Variants in ADAM22 observed in about 807,000 individuals in gnomAD.
ADAM22 encodes ADAM metallopeptidase domain 22, also known as disintegrin and metalloproteinase domain-containing protein 22.
ADAM22 carries 65 observed loss-of-function variants against 144.6 expected under a neutral mutation model. The observed-to-expected ratio is 0.45, with a 90% CI of 0.37 to 0.55. The LOEUF is 0.55. Among genes scored for constraint, ADAM22 ranks in the 20% least tolerant of loss-of-function variants. The probability of loss-of-function intolerance (pLI) is 0.00; values close to 1 mark genes in which losing one functional copy is unlikely to be tolerated. For synonymous variants in ADAM22, 391 were observed against 412.6 expected (o/e 0.95, Z 0.63); for missense variants, 974 against 1,184.9 (o/e 0.82, Z 2.61).
intron 5 of ADAM22, among the ~76,000 whole-genome samples, chr7:88,113,703 A>AATAAATAAATATATATATGT (rs1554478726): frequency 4.2e-5 from 2 of 48,106 alleles, no homozygotes; most frequent in African/African-American, 1.6e-4. Context: ...TAAATAAATA[A>AATAAATAAATATATATATGT]ATATATATAT....
chr7:88,107,759 T>C (rs1282221681), intron 4 of ADAM22, among the ~76,000 whole-genome samples: 1 of 135,272 alleles, frequency 7.4e-6, no homozygotes, highest in Non-Finnish European at 1.5e-5. Context: ...CTAATTTCAA[T>C]TTTTTTTTTT....
intron 3 of ADAM22, among the ~76,000 whole-genome samples, chr7:88,054,009 G>T (rs1012047373): frequency 1.3e-5 from 2 of 152,168 alleles, no homozygotes; most frequent in African/African-American, 4.8e-5. Flanking sequence ...GCATGCGCCT[G>T]TAATTCCAGC....
intron 29 of ADAM22, among the ~76,000 whole-genome samples, chr7:88,182,746 C>G (rs1847389326): frequency 1.3e-5 from 2 of 151,972 alleles, no homozygotes; most frequent in Non-Finnish European, 2.9e-5. Flanking sequence ...ACAAGCAAAA[C>G]AAAACCTCCT....
chr7:88,123,461 G>T (rs535606493), intron 7 of ADAM22, among the ~76,000 whole-genome samples: 1 of 152,028 alleles, frequency 6.6e-6, no homozygotes, highest in South Asian at 2.1e-4. Flanking sequence ...ATATACACAC[G>T]TTCAAGGAAT....
intron 3 of ADAM22, among the ~76,000 whole-genome samples, chr7:88,065,527 T>A (rs1032807329): frequency 6.6e-6 from 1 of 152,080 alleles, no homozygotes; most frequent in African/African-American, 2.4e-5. Flanking sequence ...GTAATCTAAC[T>A]AGCTAGAGAT....
In ADAM22 at chr7:88,145,207, G is replaced by A. The variant is rs565574335; in HGVS notation, c.1392+11G>A. 1.9e-6 allele frequency: 3 copies of A among 1,613,288 alleles called. No individual in the cohort carries two copies. Among genetic ancestry groups the A allele is most frequent in the Admixed American group, 3.3e-5 (2 of 59,904 alleles). On this transcript the variant is annotated intron_variant, in intron 16 of 31. Transcript: ENST00000413139. ...TGTGGAACCCCGGCCGTAAGTCTCT[G>A]GTTGTTTTGATGATATTTTCTAGGT...
chr7:88,162,880 T>C, intron 22 of ADAM22, 132 bp from the exon 23 acceptor site: 1 of 835,592 alleles, frequency 1.2e-6, no homozygotes, highest in Non-Finnish European at 1.8e-6. Context: ...TTGAACTGGC[T>C]TATGCTACTG....
chr7:88,026,662 T>G (rs1207209875), intron 3 of ADAM22, among the ~76,000 whole-genome samples: 1 of 152,240 alleles, frequency 6.6e-6, no homozygotes, highest in Non-Finnish European at 1.5e-5. Flanking sequence ...GATTATATAA[T>G]CTGCACACAA....
In ADAM22 at chr7:88,104,350, A is replaced by G. The variant is rs114207807; in HGVS notation, c.391-3826A>G. Among the ~76,000 whole-genome samples, 201 of 152,224 alleles carry G rather than the reference A, an allele frequency of 1.3e-3. 1 individual carries two copies. The highest frequency in any genetic ancestry group is 4.7e-3 in the African/African-American group (194 of 41,574). On this transcript the variant is annotated intron_variant, in intron 4 of 31. Transcript: ENST00000413139. ...GCATCTACTTGAATGTACATAGACT[A>G]TTCTTGGCATGGTACACAAAATGTG...
intron 18 of ADAM22, 49 bp from the exon 19 acceptor site, chr7:88,150,932 C>A: frequency 6.9e-7 from 1 of 1,451,594 alleles, no homozygotes; most frequent in Non-Finnish European, 9.7e-7. Context: ...TTTAGCTCAG[C>A]CTTATATTTT....
In ADAM22 at chr7:87,969,693, A is replaced by T. The variant is rs1249981944; in HGVS notation, c.247-8643A>T. 6.6e-5 allele frequency among the ~76,000 whole-genome samples: 10 copies of T among 152,226 alleles called. No homozygotes were observed. The East Asian group carries it at 1.9e-3, about 29-fold the overall frequency. On this transcript the variant is annotated intron_variant, in intron 2 of 31. Transcript: ENST00000413139. Reference sequence around the variant, plus strand: ...TTCCACTGGTAAATGGAAGACCTAGAATTCAAATGTACCTCAGCTCTTTAA... The same window carrying T: ...TTCCACTGGTAAATGGAAGACCTAGTATTCAAATGTACCTCAGCTCTTTAA...
intron 25 of ADAM22, among the ~76,000 whole-genome samples, chr7:88,169,078 A>G (rs1289271590): frequency 6.6e-6 from 1 of 152,164 alleles, no homozygotes; most frequent in Non-Finnish European, 1.5e-5. Context: ...TGCTATTATT[A>G]TCACTTAACA....
chr7:87,940,268 A>G (rs1842225121), intron 2 of ADAM22, among the ~76,000 whole-genome samples: 1 of 151,964 alleles, frequency 6.6e-6, no homozygotes, highest in Non-Finnish European at 1.5e-5. Context: ...CATTGTATGC[A>G]TCAAAACATC....
chr7:87,957,442 T>C (rs1422803885), intron 2 of ADAM22, among the ~76,000 whole-genome samples: 2 of 152,148 alleles, frequency 1.3e-5, no homozygotes, highest in Non-Finnish European at 2.9e-5. Context: ...CAAAATTTAG[T>C]GTGGTTTGTT....
intron 1 of ADAM22, 140 bp from the exon 2 acceptor site, chr7:87,934,885 TC>T: frequency 8.3e-7 from 1 of 1,206,918 alleles, no homozygotes. Context: ...TCTGCGTCCT[TC>T]CCAGTTGGGT....
chr7:88,111,509 C>T (rs553454864), intron 5 of ADAM22, among the ~76,000 whole-genome samples: 308 of 152,152 alleles, frequency 2.0e-3, no homozygotes, highest in Admixed American at 3.3e-3. Flanking sequence ...ATGTTTTGAT[C>T]TTGGTGTGTT....
At chr7:87,962,412 C>A (rs548748886) in intron 2 of ADAM22, among the ~76,000 whole-genome samples, 1 of 152,188 alleles carries the variant, frequency 6.6e-6, no homozygotes, top group East Asian at 1.9e-4. Flanking sequence ...CTTGGTATAG[C>A]GTTGAGAGTG....
At chr7:88,156,051 T>C (rs1256074658) in intron 22 of ADAM22, 45 bp downstream of exon 22, 4 of 1,604,528 alleles carry the variant, frequency 2.5e-6, no homozygotes, top group Non-Finnish European at 3.4e-6. Context: ...ATCTTATTTC[T>C]CAGGAATGCA....
rs935827001 is a variant in ADAM22, at chr7:87,945,264, C to T, written c.246+10078C>T. Among the ~76,000 whole-genome samples the T allele has an allele frequency of 2.0e-5, 3 of 152,008 alleles. No homozygotes were observed. In the South Asian group the frequency reaches 6.2e-4, roughly 32 times the overall value. On this transcript the variant is annotated intron_variant, in intron 2 of 31. Coordinates refer to ENST00000413139, the MANE Select transcript of ADAM22 (RefSeq NM_001324418.2). ...ATGTATGTTGTGTAAATGAAGAGTC[C>T]CTAAGTTAGAATTTGGAAAATTCGT...
Sources: gnomAD v4.1 joint callset for allele counts (sites outside exome capture counted in the v4.1 genomes callset) on GRCh38, gnomAD v4.1.1 for gene constraint, MANE v1.5 for transcripts, NCBI Gene and HGNC (gene_info 2026-07-23, HGNC 2026-07-21) for gene names.